KLHL29: variants seen among roughly 807,000 people sequenced by gnomAD.
KLHL29 encodes the protein kelch like family member 29.
Under a neutral mutation model 80.4 loss-of-function variants are expected in KLHL29, and 21 were observed. The observed-to-expected ratio is 0.26, with a 90% CI of 0.19 to 0.38. The LOEUF (loss-of-function observed/expected upper bound fraction) is 0.38, where lower values mean the gene tolerates loss of function less well. Ranked by LOEUF, KLHL29 falls within the 10% of genes least tolerant of loss-of-function variation. KLHL29 has a pLI of 1.00. For synonymous variants in KLHL29, 511 were observed against 526.8 expected (o/e 0.97, Z 0.41); for missense variants, 867 against 1,223.9 (o/e 0.71, Z 4.35).
rs1039314688 is a variant in KLHL29 at position 23,503,970 on chromosome 2, G to A, written c.-46+28303G>A. The stretch of plus-strand genomic sequence containing the variant: ...CAGATGAACCCACTGGGCTGGGAAC[G>A]CCACACAAAAGCACTCTCCAAGCCA... On this transcript the variant is annotated intron_variant, in intron 2 of 13. Coordinates refer to ENST00000486442, the MANE Select transcript of KLHL29 (RefSeq NM_052920.2). The surrounding 1 kb of genome is among the most constrained non-coding windows in gnomAD (Gnocchi z 4.0). Among the ~76,000 whole-genome samples the A allele has an allele frequency of 2.0e-5, 3 of 152,114 alleles. No homozygotes were observed. Among genetic ancestry groups the A allele is most frequent in the African/African-American group, 7.2e-5 (3 of 41,416 alleles).
intron 1 of KLHL29, among the ~76,000 whole-genome samples, chr2:23,423,226 T>G (rs1662878284): frequency 6.6e-6 from 1 of 152,224 alleles, no homozygotes; most frequent in Admixed American, 6.5e-5. Context: ...TGGATGGTTC[T>G]CCCGGCTGCT....
chr2:23,494,918 G>T (rs183137291), intron 2 of KLHL29, among the ~76,000 whole-genome samples: 1 of 152,182 alleles, frequency 6.6e-6, no homozygotes, highest in African/African-American at 2.4e-5. Context: ...TTGATGAAGC[G>T]ACAGTGCTCC....
intron 2 of KLHL29, chr2:23,532,631 C>G: frequency 2.2e-6 from 1 of 456,696 alleles, no homozygotes; most frequent in South Asian, 1.5e-5. Flanking sequence ...GTAAGATTAT[C>G]TTAACTTGGG....
At chr2:23,551,284 A>G (rs1344349371) in intron 2 of KLHL29, among the ~76,000 whole-genome samples, 1 of 152,228 alleles carries the variant, frequency 6.6e-6, no homozygotes, top group Non-Finnish European at 1.5e-5. Flanking sequence ...ACCAGGAGCA[A>G]TAGCACAAAT....
At position 23,603,134 on chromosome 2, in the gene KLHL29, C is replaced by T. The variant is rs987817840; in HGVS notation, c.286-36005C>T. On this transcript the variant is annotated intron_variant, in intron 3 of 13. Coordinates refer to ENST00000486442, the MANE Select transcript of KLHL29 (RefSeq NM_052920.2). ...AAGTGACCCCCCACCCCAGGGCAAA[C>T]AAGGGCTCAGGAAAGCAGGTTTGAG... 5.3e-5 allele frequency among the ~76,000 whole-genome samples: 8 copies of T among 152,272 alleles called. No homozygotes were observed. The South Asian group carries it at 1.7e-3, about 32-fold the overall frequency.
chr2:23,593,128 C>T (rs947579133), intron 3 of KLHL29, among the ~76,000 whole-genome samples: 2 of 152,166 alleles, frequency 1.3e-5, no homozygotes, highest in Non-Finnish European at 1.5e-5. Flanking sequence ...CCCCAGCTCC[C>T]GGGAGTCCTT....
chr2:23,584,568 CT>C (rs1668069846), intron 3 of KLHL29, among the ~76,000 whole-genome samples: 1 of 152,314 alleles, frequency 6.6e-6, no homozygotes, highest in African/African-American at 2.4e-5. Context: ...CCCTCCAAGC[CT>C]TTGGCGACAT....
At chr2:23,670,753 A>G (rs1385936247) in intron 5 of KLHL29, among the ~76,000 whole-genome samples, 2 of 152,002 alleles carry the variant, frequency 1.3e-5, no homozygotes, top group Admixed American at 6.6e-5. Flanking sequence ...CTGAAATGGC[A>G]GGAGGCAGAC....
At chr2:23,577,475 G>C (rs1284213106) in intron 3 of KLHL29, among the ~76,000 whole-genome samples, 1 of 150,810 alleles carries the variant, frequency 6.6e-6, no homozygotes, top group East Asian at 2.0e-4. Flanking sequence ...GGCCATGCGC[G>C]GTGGCTCACA....
intron 2 of KLHL29, among the ~76,000 whole-genome samples, chr2:23,486,183 AG>A (rs1489240236): frequency 1.3e-5 from 2 of 152,120 alleles, no homozygotes; most frequent in Non-Finnish European, 2.9e-5. Context: ...GCCACAGCAG[AG>A]GGTCCTGGGG....
Position 23,615,245 on chromosome 2 carries a change from C to CT in KLHL29, c.286-23893dup, listed in dbSNP as rs1668974879. ...TAGCATTTTGCAGATGAGAAAACTGCTGCCTCGACTTCTGCTCTTGTGTAA... is the reference window on the plus strand; with the variant it reads ...TAGCATTTTGCAGATGAGAAAACTGCTTGCCTCGACTTCTGCTCTTGTGTAA... On this transcript the variant is annotated intron_variant, in intron 3 of 13. Coordinates refer to ENST00000486442, the MANE Select transcript of KLHL29 (RefSeq NM_052920.2). 5.9e-5 allele frequency among the ~76,000 whole-genome samples: 9 copies of CT among 152,318 alleles called. No homozygotes were observed. The South Asian group carries it at 1.9e-3, about 32-fold the overall frequency.
At position 23,404,489 on chromosome 2, in the gene KLHL29, T is replaced by A. The variant is rs115861744; in HGVS notation, c.-154+18709T>A. Among the ~76,000 whole-genome samples, 1,340 of 152,322 alleles carry A rather than the reference T, an allele frequency of 8.8e-3. 18 individuals are homozygous for A. Among genetic ancestry groups the A allele is most frequent in the African/African-American group, 0.029 (1,186 of 41,562 alleles). On this transcript the variant is annotated intron_variant, in intron 1 of 13. Transcript: ENST00000486442. ...TTAAAAAAAAGAAATCCTTTAAATCTCGTGAAGGAATTCTCTGGAATAACC... is the reference window on the plus strand; with the variant it reads ...TTAAAAAAAAGAAATCCTTTAAATCACGTGAAGGAATTCTCTGGAATAACC...
intron 1 of KLHL29, among the ~76,000 whole-genome samples, chr2:23,411,667 T>A (rs1666863658): frequency 6.6e-6 from 1 of 152,152 alleles, no homozygotes; most frequent in African/African-American, 2.4e-5. Flanking sequence ...CATTGGGAAA[T>A]GCAAGCTTGC....
intron 2 of KLHL29, among the ~76,000 whole-genome samples, chr2:23,521,172 C>T (rs1416681354): frequency 1.3e-5 from 2 of 152,136 alleles, no homozygotes; most frequent in African/African-American, 2.4e-5. Flanking sequence ...AGGAGGTATC[C>T]TGGGAGGGGA....
chr2:23,691,828 A>G lies in KLHL29; in HGVS notation c.1234A>G (p.Ser412Gly). The change falls in exon 7 of 14, where the codon AGC (serine) becomes GGC (glycine). Residue 412 changes from serine (S) to glycine (G), a missense_variant. By Grantham distance (56) the Ser-to-Gly change is moderately conservative. Coordinates refer to ENST00000486442, the MANE Select transcript of KLHL29 (RefSeq NM_052920.2). ...ANAKTLLEAA[S>G]KFQFHTFCKV... Reference sequence around the variant, plus strand: ...CGCCAAGACACTGCTGGAGGCGGCCAGCAAGTTCCAGTTCCACACCTTCTG... The same window carrying G: ...CGCCAAGACACTGCTGGAGGCGGCCGGCAAGTTCCAGTTCCACACCTTCTG... 1 of 1,551,394 alleles carries G rather than the reference A, an allele frequency of 6.4e-7. No individual in the cohort carries two copies. Among genetic ancestry groups the G allele is most frequent in the Non-Finnish European group, 8.7e-7 (1 of 1,146,998 alleles).
At chr2:23,430,645 T>C (rs1281006309) in intron 1 of KLHL29, among the ~76,000 whole-genome samples, 1 of 152,170 alleles carries the variant, frequency 6.6e-6, no homozygotes, top group Non-Finnish European at 1.5e-5. Flanking sequence ...CAAGGCACTG[T>C]TCAGCTTTCA....
intron 5 of KLHL29, among the ~76,000 whole-genome samples, chr2:23,665,375 A>G (rs1378134101): frequency 6.6e-6 from 1 of 152,074 alleles, no homozygotes; most frequent in African/African-American, 2.4e-5. Flanking sequence ...ACCTGAACTG[A>G]CTTCTGGTGC....
chr2:23,566,128 T>G (rs1396471020), intron 3 of KLHL29, among the ~76,000 whole-genome samples: 1 of 152,228 alleles, frequency 6.6e-6, no homozygotes, highest in African/African-American at 2.4e-5. Context: ...TACTTCTTCA[T>G]TTGTCTGTGG....
At chr2:23,516,186 G>C (rs1665916312) in intron 2 of KLHL29, among the ~76,000 whole-genome samples, 1 of 152,074 alleles carries the variant, frequency 6.6e-6, no homozygotes, top group African/African-American at 2.4e-5. Context: ...TAAAGGAAGT[G>C]AGGAGAGAAG....
Sources: allele counts gnomAD v4.1 joint callset (sites outside exome capture counted in the v4.1 genomes callset), GRCh38; gene constraint gnomAD v4.1.1; non-coding constraint Gnocchi (gnomAD v3.1); transcripts MANE v1.5; gene names NCBI Gene and HGNC (gene_info 2026-07-23, HGNC 2026-07-21).